The following IL20 variants were observed in gnomAD, a reference collection of about 807,000 sequenced individuals.
IL20 encodes the protein interleukin-20.
Under a neutral mutation model 19.2 loss-of-function variants are expected in IL20, and 22 were observed. The ratio of observed to expected loss-of-function variants is 1.15; its 90% CI spans 0.82 to 1.64. IL20 has a LOEUF of 1.64. IL20 is among the 40% of genes most tolerant of loss of function. The pLI is 0.00. For missense variants in IL20, 215 were observed against 212.8 expected (o/e 1.01, Z -0.06); for synonymous variants, 70 against 76.2 (o/e 0.92, Z 0.43).
chr1:206,867,207 C>T (rs1677576695), intron 4 of IL20, among the ~76,000 whole-genome samples, 177 bp from the exon 5 acceptor site: 1 of 151,998 alleles, frequency 6.6e-6, no homozygotes, highest in Non-Finnish European at 1.5e-5. Flanking sequence ...AAGGTGGCTT[C>T]CTCTCCTAGC....
In IL20 at chr1:206,868,996, A is replaced by G. The variant is rs989976126; in HGVS notation, c.*432A>G. 6.6e-6 allele frequency: 1 copy of G among 151,718 alleles called. No individual in the cohort carries two copies. The highest frequency in any genetic ancestry group is 1.5e-5 in the Non-Finnish European group (1 of 67,962). 9.4% of individuals were successfully genotyped at this position (151,718 alleles called of 1,614,324 possible). On this transcript the variant is annotated 3_prime_UTR_variant, in exon 6 of 6. Transcript: ENST00000367098. ...CTAGGGGGGTTATTCATTTGTATTC[A>G]ACTAAGGACATATTTACTCATGCTG...
At chr1:206,866,413 C>T in intron 3 of IL20, 49 bp downstream of exon 3, 1 of 1,612,246 alleles carries the variant, frequency 6.2e-7, no homozygotes, top group Non-Finnish European at 8.5e-7. Flanking sequence ...GGAGTGGGAG[C>T]ATCTCCATCA....
chr1:206,867,426 A>C lies in IL20; in HGVS notation c.421A>C (p.Lys141Gln). Reference sequence around the variant, plus strand: ...CCATTGTGGGGAGGAAGCAATGAAGAAATACAGCCAGATTCTGAGTCACTT... The same window carrying C: ...CCATTGTGGGGAGGAAGCAATGAAGCAATACAGCCAGATTCTGAGTCACTT... Reference protein sequence around the residue: ...TCHCGEEAMKKYSQILSHFEK... With the variant: ...TCHCGEEAMKQYSQILSHFEK... Residue 141 changes from lysine to glutamine, a missense_variant, in exon 5 of 6, where the codon AAA becomes CAA. Coordinates refer to ENST00000367098, the MANE Select transcript of IL20 (RefSeq NM_018724.4). The C allele has an allele frequency of 6.2e-7, 1 of 1,613,920 alleles. No homozygotes were observed. The highest frequency in any genetic ancestry group is 1.1e-5 in the South Asian group (1 of 91,084).
chr1:206,868,404 C>A (rs750162324), intron 5 of IL20, 83 bp from the exon 6 acceptor site: 27 of 824,490 alleles, frequency 3.3e-5, no homozygotes, highest in Admixed American at 6.3e-5. Context: ...CAATTGTCAG[C>A]AGACCTATCC....
chr1:206,864,206 C>T (rs1677487716), upstream of IL20, among the ~76,000 whole-genome samples: 1 of 152,146 alleles, frequency 6.6e-6, no homozygotes, highest in South Asian at 2.1e-4. Flanking sequence ...TCTCTTGTCT[C>T]CAAACCCAGA....
Position 206,869,211 on chromosome 1 carries a change from T to G in IL20, c.*647T>G, listed in dbSNP as rs1474145435. On this transcript the variant is annotated 3_prime_UTR_variant, in exon 6 of 6. Transcript: ENST00000367098. Reference sequence around the variant, plus strand: ...GCATGTATTTCTACAAATAAAGTTTTCTTTGCATAACATCTGCTTGGAGTT... The same window carrying G: ...GCATGTATTTCTACAAATAAAGTTTGCTTTGCATAACATCTGCTTGGAGTT... The G allele has an allele frequency of 6.6e-6, 1 of 152,334 alleles. No individual in the cohort carries two copies. The highest frequency in any genetic ancestry group is 1.5e-5 in the Non-Finnish European group (1 of 68,044). The allele number at this position is 152,334 out of a possible 1,614,324, so 9.4% of individuals were successfully genotyped here.
intron 5 of IL20, 23 bp downstream of exon 5, chr1:206,867,481 T>C: frequency 6.3e-7 from 1 of 1,590,626 alleles, no homozygotes; most frequent in East Asian, 2.2e-5. Flanking sequence ...TTGGCATTGA[T>C]TGGGATGGGT....
intron 3 of IL20, 23 bp downstream of exon 3, chr1:206,866,387 C>T: frequency 6.2e-7 from 1 of 1,612,838 alleles, no homozygotes; most frequent in Non-Finnish European, 8.5e-7. Context: ...CCCAGACAAA[C>T]TCTGGGAGGA....
chr1:206,866,473 G>A lies in IL20; in HGVS notation c.226-11G>A. 1 of 1,614,036 alleles carries A rather than the reference G, an allele frequency of 6.2e-7. No individual in the cohort carries two copies. The highest frequency in any genetic ancestry group is 1.1e-5 in the South Asian group (1 of 91,044). On this transcript the variant is annotated splice_polypyrimidine_tract_variant and intron_variant, in intron 3 of 5. Transcript: ENST00000367098. Reference sequence around the variant, plus strand: ...CTTTCCCCTCACCAATATACCTGTGGTTTTTTGCAGCCTGCGAATCGATGC... The same window carrying A: ...CTTTCCCCTCACCAATATACCTGTGATTTTTTGCAGCCTGCGAATCGATGC...
upstream of IL20, among the ~76,000 whole-genome samples, chr1:206,863,663 T>A (rs1199886898): frequency 1.3e-5 from 2 of 152,208 alleles, no homozygotes; most frequent in Non-Finnish European, 2.9e-5. Flanking sequence ...GATCACCTAC[T>A]TCTCCTAATC....
chr1:206,867,483 G>GA, intron 5 of IL20, 25 bp downstream of exon 5: 1 of 1,587,042 alleles, frequency 6.3e-7, no homozygotes, highest in South Asian at 1.1e-5. Flanking sequence ...GGCATTGATT[G>GA]GGATGGGTGT....
At chr1:206,866,195 C>T (rs1487694283) in intron 2 of IL20, 104 bp from the exon 3 acceptor site, 1 of 1,250,592 alleles carries the variant, frequency 8.0e-7, no homozygotes, top group Non-Finnish European at 1.2e-6. Flanking sequence ...GGAAAGGACA[C>T]CTCCCACTAG....
upstream of IL20, chr1:206,865,386 T>C (rs956568220): frequency 1.4e-5 from 7 of 496,318 alleles, no homozygotes; most frequent in Non-Finnish European, 1.6e-5. This position sits in a 1 kb window ranked among gnomAD's most constrained non-coding sequence, Gnocchi z 4.1. Flanking sequence ...TGAGATTCGA[T>C]TTCTCCCCAG....
Position 206,865,971 on chromosome 1 carries a change from A to G in IL20, c.119A>G (p.Gln40Arg), listed in dbSNP as rs1677532486. The change falls in exon 2 of 6, where the codon CAG (glutamine) becomes CGG (arginine). Residue 40 changes from glutamine to arginine, a missense_variant. By Grantham distance (43) the Gln-to-Arg change is conservative (BLOSUM62 1). Transcript: ENST00000367098. The surrounding 1 kb of genome is among the most constrained non-coding windows in gnomAD (Gnocchi z 4.1). ...LGSCVIATNL[Q>R]EIRNGFSEIR... is the part of the protein sequence containing the mutation. ...AGCTGTGTGATCGCCACAAACCTTC[A>G]GGAAATACGAAATGGATTTTCTGAG... The G allele has an allele frequency of 6.2e-7, 1 of 1,614,182 alleles. No homozygotes were observed. Among genetic ancestry groups the G allele is most frequent in the East Asian group, 2.2e-5 (1 of 44,878 alleles).
upstream of IL20, among the ~76,000 whole-genome samples, chr1:206,864,983 A>T (rs1213019131): frequency 3.9e-5 from 6 of 152,270 alleles, no homozygotes; most frequent in Middle Eastern, 0.01. Context: ...AGAATAAATG[A>T]GTTCCGTCAT....
chr1:206,868,038 A>T (rs1040885386), intron 5 of IL20, among the ~76,000 whole-genome samples: 5 of 151,948 alleles, frequency 3.3e-5, no homozygotes, highest in African/African-American at 1.2e-4. Context: ...CAGTCTCCTC[A>T]CTCAACTGTG....
Position 206,866,374 on chromosome 1 carries a change from T to G in IL20, c.225+10T>G. 6.2e-7 allele frequency: 1 copy of G among 1,613,916 alleles called. No individual in the cohort carries two copies. Among genetic ancestry groups the G allele is most frequent in the Non-Finnish European group, 8.5e-7 (1 of 1,179,790 alleles). ...TTTGCAAGACACAAAGGTATGTGCT[T>G]GGCCCAGACAAACTCTGGGAGGAGG... On this transcript the variant is annotated intron_variant, in intron 3 of 5. Transcript: ENST00000367098.
At chr1:206,866,132 C>A in intron 2 of IL20, 121 bp downstream of exon 2, 1 of 1,171,114 alleles carries the variant, frequency 8.5e-7, no homozygotes, top group Non-Finnish European at 1.3e-6. Flanking sequence ...ATTCCTTACC[C>A]GGGGGATGTA....
intron 5 of IL20, among the ~76,000 whole-genome samples, chr1:206,868,176 A>G (rs957224502): frequency 6.6e-6 from 1 of 151,946 alleles, no homozygotes; most frequent in African/African-American, 2.4e-5. Flanking sequence ...ACGTGCACAC[A>G]CACACACACA....
Sources: gnomAD v4.1 joint callset for allele counts (sites outside exome capture counted in the v4.1 genomes callset) on GRCh38, gnomAD v4.1.1 for gene constraint, Gnocchi (gnomAD v3.1) non-coding constraint, MANE v1.5 for transcripts, NCBI Gene and HGNC (gene_info 2026-07-23, HGNC 2026-07-21) for gene names.